GJC1: variants seen among roughly 807,000 people sequenced by gnomAD.
The protein encoded by GJC1 is gap junction gamma-1 protein.
Under a neutral mutation model 29.3 loss-of-function variants are expected in GJC1, and 5 were observed. The ratio of observed to expected loss-of-function variants is 0.17; its 90% CI spans 0.09 to 0.36. The LOEUF (loss-of-function observed/expected upper bound fraction) is 0.36. GJC1 is among the 10% of genes least tolerant of loss of function. The probability of loss-of-function intolerance (pLI) is 1.00; values close to 1 mark genes in which losing one functional copy is unlikely to be tolerated. For missense variants in GJC1, 310 were observed against 496.2 expected (o/e 0.62, Z 3.56); for synonymous variants, 177 against 183.3 (o/e 0.97, Z 0.28).
chr17:44,813,484 CTTTTTTTTTTTTT>C (rs35299072), intron 1 of GJC1, among the ~76,000 whole-genome samples: 32 of 80,542 alleles, frequency 4.0e-4, no homozygotes, highest in African/African-American at 1.5e-3. Flanking sequence ...TTCCAAGTTA[CTTTTTTTTTTTTT>C]TTTTTTTTTT....
chr17:44,806,919 C>T (rs1276097002), intron 2 of GJC1, among the ~76,000 whole-genome samples: 1 of 152,080 alleles, frequency 6.6e-6, no homozygotes, highest in Non-Finnish European at 1.5e-5. Context: ...CAGCTACAAA[C>T]TGCTGGCAAT....
At chr17:44,817,870 C>T (rs1228570619) in intron 1 of GJC1, among the ~76,000 whole-genome samples, 11 of 152,040 alleles carry the variant, frequency 7.2e-5, no homozygotes, top group Non-Finnish European at 1.6e-4. Flanking sequence ...GAATTATGTA[C>T]AGGTTCTATG....
chr17:44,829,845 G>A (rs963944743), intron 1 of GJC1, among the ~76,000 whole-genome samples: 1 of 152,040 alleles, frequency 6.6e-6, no homozygotes, highest in African/African-American at 2.4e-5. Context: ...GGTGCGCCGG[G>A]GACAGTGGCA....
At chr17:44,821,023 C>T (rs1347579945) in intron 1 of GJC1, among the ~76,000 whole-genome samples, 2 of 152,140 alleles carry the variant, frequency 1.3e-5, no homozygotes, top group Non-Finnish European at 1.5e-5. Flanking sequence ...ATTATAAAAT[C>T]TCATGGAGAG....
intron 1 of GJC1, among the ~76,000 whole-genome samples, chr17:44,823,256 T>G (rs1290979147): frequency 1.3e-5 from 2 of 148,362 alleles, no homozygotes; most frequent in Admixed American, 6.7e-5. Flanking sequence ...CTGTTTTTTT[T>G]TTTTTTTTTT....
intron 1 of GJC1, among the ~76,000 whole-genome samples, chr17:44,822,840 C>A (rs193019907): frequency 6.6e-6 from 1 of 151,954 alleles, no homozygotes; most frequent in Admixed American, 6.6e-5. Context: ...AAAAAGAGGT[C>A]TGGCTACAGA....
intron 1 of GJC1, among the ~76,000 whole-genome samples, chr17:44,808,610 C>A (rs1055796271): frequency 6.6e-6 from 1 of 151,922 alleles, no homozygotes; most frequent in Non-Finnish European, 1.5e-5. Flanking sequence ...CAACACACAC[C>A]CCCAAAATTA....
chr17:44,822,138 A>G (rs1177963028), intron 1 of GJC1, among the ~76,000 whole-genome samples: 1 of 138,336 alleles, frequency 7.2e-6, no homozygotes, highest in Non-Finnish European at 1.5e-5. Flanking sequence ...CGGAGCTTGC[A>G]GTGAGCCAAG....
intron 1 of GJC1, among the ~76,000 whole-genome samples, chr17:44,826,283 A>G (rs2050175819): frequency 6.6e-6 from 1 of 152,154 alleles, no homozygotes; most frequent in Non-Finnish European, 1.5e-5. Flanking sequence ...CTGTAACCCC[A>G]GCATTTTGGG....
chr17:44,827,170 C>T (rs2145376405), intron 1 of GJC1, among the ~76,000 whole-genome samples: 1 of 152,132 alleles, frequency 6.6e-6, no homozygotes, highest in East Asian at 1.9e-4. Context: ...ATTAGCTGGG[C>T]ATGGTGGGGC....
Position 44,813,484 on chromosome 17 carries a change from CTTTTTTT to C in GJC1, c.-96-6022_-96-6016del, listed in dbSNP as rs35299072. On this transcript the variant is annotated intron_variant, in intron 1 of 2. Transcript: ENST00000592524. ...TTCCCTTTCCTCTCCTTCCAAGTTACTTTTTTTTTTTTTTTTTTTTTTTTTGAGACAA... is the reference window on the plus strand; with the variant it reads ...TTCCCTTTCCTCTCCTTCCAAGTTACTTTTTTTTTTTTTTTTTTGAGACAA... Among the ~76,000 whole-genome samples, 151 of 80,536 alleles carry C rather than the reference CTTTTTTT, an allele frequency of 1.9e-3. 1 individual carries two copies. The highest frequency in any genetic ancestry group is 6.7e-3 in the South Asian group (15 of 2,236). 52.8% of individuals were successfully genotyped at this position (80,536 alleles called of 152,430 possible).
At chr17:44,825,188 C>CAAAAAAA (rs1162077867) in intron 1 of GJC1, among the ~76,000 whole-genome samples, 20 of 45,980 alleles carry the variant, frequency 4.3e-4, no homozygotes, top group African/African-American at 1.0e-3. Context: ...GTCTCAATTA[C>CAAAAAAA]AAAAAAAAAA....
At chr17:44,821,715 AAAAAAAAAAACAAC>A (rs2050109296) in intron 1 of GJC1, among the ~76,000 whole-genome samples, 1 of 148,626 alleles carries the variant, frequency 6.7e-6, no homozygotes, top group Non-Finnish European at 1.5e-5. Flanking sequence ...AAAAAAAAAA[AAAAAAAAAAACAAC>A]AAAAAAACAC....
chr17:44,817,332 C>T (rs577049152), intron 1 of GJC1, among the ~76,000 whole-genome samples: 3 of 152,030 alleles, frequency 2.0e-5, no homozygotes, highest in East Asian at 1.9e-4. Flanking sequence ...CTTGACCACT[C>T]GCTAGTAAAG....
rs558372596 is a variant in GJC1 at position 44,810,348 on chromosome 17, G to GA, written c.-96-2880dup. On this transcript the variant is annotated intron_variant, in intron 1 of 2. Transcript: ENST00000592524. ...GTTATGAAAGAATTTCTCAACAGTTGAGCTTTTCAATAAAATTTTCTTGGG... is the reference window on the plus strand; with the variant it reads ...GTTATGAAAGAATTTCTCAACAGTTGAAGCTTTTCAATAAAATTTTCTTGGG... Among the ~76,000 whole-genome samples the GA allele has an allele frequency of 3.6e-3, 542 of 152,246 alleles. 7 individuals are homozygous for GA. Among genetic ancestry groups the GA allele is most frequent in the South Asian group, 0.033 (159 of 4,818 alleles).
rs1056424818 is a variant in GJC1 at position 44,830,210 on chromosome 17, G to A, written c.-245C>T. Reference sequence around the variant, plus strand: ...GCTGCCGCCTTCGCCTCAGTCTCCAGCCGAGGCAGAAGCCGCTCCCGCCGC... The same window carrying A: ...GCTGCCGCCTTCGCCTCAGTCTCCAACCGAGGCAGAAGCCGCTCCCGCCGC... On this transcript the variant is annotated 5_prime_UTR_variant, in exon 1 of 3. Coordinates refer to ENST00000592524, the MANE Select transcript of GJC1 (RefSeq NM_005497.4). The surrounding 1 kb of genome is among the most constrained non-coding windows in gnomAD (Gnocchi z 4.3). The A allele has an allele frequency of 1.9e-5, 3 of 159,808 alleles. No individual in the cohort carries two copies. Among genetic ancestry groups the A allele is most frequent in the Non-Finnish European group, 4.0e-5 (3 of 74,620 alleles). The allele number at this position is 159,808 out of a possible 1,614,324, so 9.9% of individuals were successfully genotyped here.
intron 1 of GJC1, among the ~76,000 whole-genome samples, chr17:44,824,346 G>A (rs550544120): frequency 6.6e-6 from 1 of 152,096 alleles, no homozygotes; most frequent in East Asian, 1.9e-4. Flanking sequence ...GTTGACCAGG[G>A]TGGAGTGCAT....
At chr17:44,817,987 C>T (rs539389851) in intron 1 of GJC1, among the ~76,000 whole-genome samples, 69 of 152,012 alleles carry the variant, frequency 4.5e-4, no homozygotes, top group East Asian at 1.6e-3. Flanking sequence ...CCGAGGTGGG[C>T]GGATCAGCTA....
chr17:44,829,363 G>C (rs1298283256), intron 1 of GJC1, among the ~76,000 whole-genome samples: 1 of 152,098 alleles, frequency 6.6e-6, no homozygotes, highest in Non-Finnish European at 1.5e-5. Context: ...TGAAGCTAGA[G>C]ACTTAAGGAA....
Sources: allele counts gnomAD v4.1 joint callset (sites outside exome capture counted in the v4.1 genomes callset), GRCh38; gene constraint gnomAD v4.1.1; non-coding constraint Gnocchi (gnomAD v3.1); transcripts MANE v1.5; gene names NCBI Gene and HGNC (gene_info 2026-07-23, HGNC 2026-07-21).